NINJ2: variants seen among roughly 807,000 people sequenced by gnomAD.
NINJ2 encodes ninjurin-2.
Under a neutral mutation model 11.7 loss-of-function variants are expected in NINJ2, and 12 were observed. The ratio of observed to expected loss-of-function variants is 1.02; its 90% CI spans 0.66 to 1.66. The LOEUF (loss-of-function observed/expected upper bound fraction) is 1.66, where lower values mean the gene tolerates loss of function less well. Ranked by LOEUF, NINJ2 falls within the 40% of genes most tolerant of loss-of-function variation. The pLI, the probability that NINJ2 is intolerant of heterozygous loss-of-function variation, is 0.00. For missense variants in NINJ2, 187 were observed against 181.8 expected (o/e 1.03, Z -0.16); for synonymous variants, 93 against 76.8 (o/e 1.21, Z -1.10).
chr12:610,946 GCTGGTCTCAAACTC>G (rs527278187), intron 1 of NINJ2, among the ~76,000 whole-genome samples: 2 of 152,020 alleles, frequency 1.3e-5, no homozygotes, highest in African/African-American at 4.8e-5. Context: ...TGTTGGCCAG[GCTGGTCTCAAACTC>G]CTGACCTCAG....
In NINJ2 at chr12:577,008, A is replaced by C. The variant is rs1001663076; in HGVS notation, c.34-10830T>G. 3.9e-5 allele frequency among the ~76,000 whole-genome samples: 6 copies of C among 152,210 alleles called. No homozygotes were observed. In the East Asian group the frequency reaches 7.7e-4, roughly 20 times the overall value. ...CCTCAGGGGCTAACAAAATTGTTAA[A>C]ATTTAAACAGTAATAATTAAATAAT... On this transcript the variant is annotated intron_variant, in intron 1 of 3. Coordinates refer to ENST00000305108, the MANE Select transcript of NINJ2 (RefSeq NM_016533.6).
chr12:601,531 GA>G (rs1360398791), intron 1 of NINJ2, among the ~76,000 whole-genome samples: 35 of 148,320 alleles, frequency 2.4e-4, no homozygotes, highest in Non-Finnish European at 3.6e-4. Flanking sequence ...CTGGGCCACA[GA>G]AGCAAGACTC....
At chr12:634,262 GTT>G (rs1948316906) in intron 1 of NINJ2, among the ~76,000 whole-genome samples, 1 of 75,622 alleles carries the variant, frequency 1.3e-5, no homozygotes, top group African/African-American at 4.0e-5. Flanking sequence ...ATTAGTTGCA[GTT>G]CTTTTTTTTT....
At chr12:573,955 C>T (rs12320171) in intron 1 of NINJ2, among the ~76,000 whole-genome samples, 5 of 152,114 alleles carry the variant, frequency 3.3e-5, no homozygotes, top group Non-Finnish European at 7.4e-5. Flanking sequence ...TAAATTTGGC[C>T]GGGCAAGGTG....
At position 601,857 on chromosome 12, in the gene NINJ2, G is replaced by A. The variant is rs771558946; in HGVS notation, c.34-35679C>T. The stretch of plus-strand genomic sequence containing the variant: ...GCAGTGAGCCAAGATCAGCCTGAGC[G>A]ATAGAGTGCGACTCTGTGTCAAAAA... On this transcript the variant is annotated intron_variant, in intron 1 of 3. Transcript: ENST00000305108. Among the ~76,000 whole-genome samples the A allele has an allele frequency of 1.3e-4, 20 of 152,314 alleles. No individual in the cohort carries two copies. The Middle Eastern group carries it at 0.014, about 104-fold the overall frequency.
intron 1 of NINJ2, among the ~76,000 whole-genome samples, chr12:602,977 C>A (rs894225874): frequency 6.7e-6 from 1 of 149,258 alleles, no homozygotes; most frequent in Non-Finnish European, 1.5e-5. Flanking sequence ...GAGCTACAGG[C>A]ACATGGCCAC....
intron 1 of NINJ2, among the ~76,000 whole-genome samples, chr12:587,841 G>T (rs1164012181): frequency 6.6e-6 from 1 of 152,156 alleles, no homozygotes. Flanking sequence ...CATTAAGCTG[G>T]TTATTTCCAC....
At chr12:615,411 A>C (rs1948080367) in intron 1 of NINJ2, among the ~76,000 whole-genome samples, 2 of 152,164 alleles carry the variant, frequency 1.3e-5, no homozygotes, top group Admixed American at 1.3e-4. Context: ...CAACACAGAG[A>C]AATCCCGTCT....
At chr12:663,187 C>A in intron 1 of NINJ2, 141 bp downstream of exon 1, 1 of 725,286 alleles carries the variant, frequency 1.4e-6, no homozygotes, top group Non-Finnish European at 2.3e-6. Context: ...GAGACAAAGC[C>A]TAGGGAGCAT....
chr12:615,589 T>TA (rs202062496), intron 1 of NINJ2, among the ~76,000 whole-genome samples: 39 of 151,150 alleles, frequency 2.6e-4, no homozygotes, highest in African/African-American at 9.0e-4. Flanking sequence ...AACTCCATCT[T>TA]AAAAAAAAAG....
At chr12:619,271 G>A (rs1482228023) in intron 1 of NINJ2, among the ~76,000 whole-genome samples, 2 of 152,202 alleles carry the variant, frequency 1.3e-5, no homozygotes, top group African/African-American at 4.8e-5. Context: ...CTGCTTACAA[G>A]GTGCTTGCTG....
At chr12:649,625 T>A (rs1202226670) in intron 1 of NINJ2, among the ~76,000 whole-genome samples, 3 of 150,260 alleles carry the variant, frequency 2.0e-5, no homozygotes, top group Non-Finnish European at 3.0e-5. Context: ...AAACTACAAG[T>A]TTTTTTCTAT....
chr12:662,888 G>C (rs1046638239), intron 1 of NINJ2, among the ~76,000 whole-genome samples: 3 of 152,158 alleles, frequency 2.0e-5, no homozygotes, highest in African/African-American at 7.2e-5. Context: ...AACGGCTCAA[G>C]TTTTTTCCAA....
chr12:580,310 G>T lies in NINJ2; in HGVS notation c.34-14132C>A, dbSNP rs796382056. Reference sequence around the variant, plus strand: ...TGAATGAATGATGCATTTGTCAGCAGTGCATGGTGGCTCACACCTGTAATC... The same window carrying T: ...TGAATGAATGATGCATTTGTCAGCATTGCATGGTGGCTCACACCTGTAATC... On this transcript the variant is annotated intron_variant, in intron 1 of 3. Coordinates refer to ENST00000305108, the MANE Select transcript of NINJ2 (RefSeq NM_016533.6). The surrounding 1 kb of genome is among the most constrained non-coding windows in gnomAD (Gnocchi z 4.7). 6.6e-6 allele frequency among the ~76,000 whole-genome samples: 1 copy of T among 152,300 alleles called. No homozygotes were observed. The highest frequency in any genetic ancestry group is 2.4e-5 in the African/African-American group (1 of 41,558).
chr12:588,158 GGGAAGGGAC>G (rs1555163016), intron 1 of NINJ2, among the ~76,000 whole-genome samples: 47 of 140,930 alleles, frequency 3.3e-4, no homozygotes, highest in East Asian at 2.8e-3. Flanking sequence ...GCGGAAGGAA[GGGAAGGGAC>G]GGAAGGGACG....
chr12:611,871 C>T (rs1948037466), intron 1 of NINJ2, among the ~76,000 whole-genome samples: 1 of 152,232 alleles, frequency 6.6e-6, no homozygotes, highest in Non-Finnish European at 1.5e-5. Context: ...CCCCCAATAT[C>T]TATTTGACCT....
intron 1 of NINJ2, among the ~76,000 whole-genome samples, chr12:577,440 T>TAA: frequency 7.1e-6 from 1 of 141,828 alleles, no homozygotes; most frequent in South Asian, 2.2e-4. Flanking sequence ...CATATATATA[T>TAA]ATAAATATTT....
At chr12:625,784 T>C (rs764699150) in intron 1 of NINJ2, among the ~76,000 whole-genome samples, 3 of 152,224 alleles carry the variant, frequency 2.0e-5, no homozygotes, top group Non-Finnish European at 4.4e-5. Context: ...AGATAGAGTC[T>C]ATCAAAACAC....
intron 1 of NINJ2, among the ~76,000 whole-genome samples, chr12:659,760 A>G (rs1014878782): frequency 7.9e-5 from 12 of 152,176 alleles, no homozygotes; most frequent in Non-Finnish European, 1.8e-4. Context: ...TTTAGATTAG[A>G]GTTTCCCAAA....
Sources: allele counts gnomAD v4.1 joint callset (sites outside exome capture counted in the v4.1 genomes callset), GRCh38; gene constraint gnomAD v4.1.1; non-coding constraint Gnocchi (gnomAD v3.1); transcripts MANE v1.5; gene names NCBI Gene and HGNC (gene_info 2026-07-23, HGNC 2026-07-21).